The following MEMO1 variants were observed in gnomAD, a reference collection of about 807,000 sequenced individuals.
MEMO1 encodes the protein mediator of cell motility 1.
A neutral mutation model predicts 45.2 loss-of-function variants in MEMO1; 6 were observed. The observed-to-expected ratio is 0.13, with a 90% CI of 0.07 to 0.26. The LOEUF is 0.26. Among genes scored for constraint, MEMO1 ranks in the 10% least tolerant of loss-of-function variants. The pLI, the probability that MEMO1 is intolerant of heterozygous loss-of-function variation, is 1.00. For synonymous variants in MEMO1, 78 were observed against 124.3 expected (o/e 0.63, Z 2.48); for missense variants, 184 against 370.5 (o/e 0.50, Z 4.13).
At chr2:31,906,288 G>T (rs66648777) in intron 6 of MEMO1, among the ~76,000 whole-genome samples, 21,769 of 147,850 alleles carry the variant, frequency 0.15, 1,743 homozygotes, top group Middle Eastern at 0.23. Flanking sequence ...CTATTCTTTT[G>T]TTTTTGTTTT....
chr2:31,978,264 G>C (rs1255617962), intron 2 of MEMO1, among the ~76,000 whole-genome samples: 1 of 152,030 alleles, frequency 6.6e-6, no homozygotes, highest in Non-Finnish European at 1.5e-5. Flanking sequence ...GTGGGCACCT[G>C]TAATCCCAGC....
chr2:31,919,118 A>G (rs1186608056), intron 5 of MEMO1, among the ~76,000 whole-genome samples: 3 of 151,532 alleles, frequency 2.0e-5, no homozygotes, highest in African/African-American at 2.4e-5. Flanking sequence ...TTATTATTTT[A>G]TTTTTATATT....
chr2:31,959,625 C>T (rs1667783163), intron 2 of MEMO1, among the ~76,000 whole-genome samples: 1 of 151,318 alleles, frequency 6.6e-6, no homozygotes, highest in Admixed American at 6.6e-5. Flanking sequence ...AGATGAGGTA[C>T]AAGAAAATGG....
rs62142084 is a variant in MEMO1 at position 31,984,740 on chromosome 2, A to T, written c.61+25447T>A. Reference sequence around the variant, plus strand: ...AGAATGGTGTGAACCCGGGAGACAGAGCTTGCGGTGAGCCAAGATTGTGCC... The same window carrying T: ...AGAATGGTGTGAACCCGGGAGACAGTGCTTGCGGTGAGCCAAGATTGTGCC... On this transcript the variant is annotated intron_variant, in intron 2 of 9. Coordinates refer to ENST00000404530, the MANE Select transcript of MEMO1 (RefSeq NM_001301833.4). Among the ~76,000 whole-genome samples the T allele has an allele frequency of 8.9e-3, 1,350 of 152,304 alleles. 6 individuals are homozygous for T. The highest frequency in any genetic ancestry group is 0.012 in the Non-Finnish European group (832 of 68,018).
chr2:31,884,863 C>A (rs1675950466), intron 7 of MEMO1, among the ~76,000 whole-genome samples: 1 of 152,104 alleles, frequency 6.6e-6, no homozygotes, highest in Non-Finnish European at 1.5e-5. Flanking sequence ...GAAACAATAT[C>A]TGCTTCCTGA....
intron 7 of MEMO1, among the ~76,000 whole-genome samples, chr2:31,888,370 A>C (rs1676481760): frequency 1.3e-5 from 2 of 152,122 alleles, no homozygotes; most frequent in South Asian, 4.1e-4. Context: ...TAGAAGTGAA[A>C]ATTACGTTAA....
At chr2:31,937,013 A>T (rs564839693) in intron 3 of MEMO1, among the ~76,000 whole-genome samples, 1 of 152,348 alleles carries the variant, frequency 6.6e-6, no homozygotes, top group South Asian at 2.1e-4. Context: ...TAGAAACTAA[A>T]TTAGAAAACT....
At chr2:31,925,083 C>T (rs1379169151) in intron 4 of MEMO1, among the ~76,000 whole-genome samples, 1 of 152,148 alleles carries the variant, frequency 6.6e-6, no homozygotes, top group African/African-American at 2.4e-5. Context: ...CTGATGTATA[C>T]TGGTCTTCTT....
At chr2:31,970,650 C>G (rs1669276413) in intron 2 of MEMO1, among the ~76,000 whole-genome samples, 1 of 150,810 alleles carries the variant, frequency 6.6e-6, no homozygotes, top group African/African-American at 2.4e-5. Flanking sequence ...AAAAAAAGCA[C>G]AAATGCATAC....
intron 2 of MEMO1, among the ~76,000 whole-genome samples, chr2:31,987,607 T>C (rs910789810): frequency 5.3e-5 from 8 of 152,218 alleles, no homozygotes; most frequent in Non-Finnish European, 7.3e-5. Flanking sequence ...CAATCATTCA[T>C]GAAGCATTTG....
intron 3 of MEMO1, among the ~76,000 whole-genome samples, chr2:31,942,960 T>C (rs765156254): frequency 6.6e-6 from 1 of 152,208 alleles, no homozygotes. Flanking sequence ...CATTTACTAA[T>C]AATAAACATA....
intron 3 of MEMO1, 64 bp downstream of exon 3, chr2:31,943,238 C>A: frequency 8.0e-7 from 1 of 1,246,360 alleles, no homozygotes; most frequent in Non-Finnish European, 1.2e-6. Context: ...GTACTTCAGC[C>A]TGGGCGACAC....
intron 2 of MEMO1, among the ~76,000 whole-genome samples, chr2:32,006,748 C>T (rs557072407): frequency 6.6e-6 from 1 of 152,040 alleles, no homozygotes; most frequent in South Asian, 2.1e-4. Flanking sequence ...AGGCAGATCA[C>T]GAGGTCAGGA....
chr2:31,938,789 T>A (rs1665249393), intron 3 of MEMO1, among the ~76,000 whole-genome samples: 1 of 116,432 alleles, frequency 8.6e-6, no homozygotes, highest in Non-Finnish European at 1.9e-5. Context: ...GAACAATATT[T>A]TTTTTTTTTT....
At chr2:31,923,824 G>A in intron 4 of MEMO1, 1 of 1,390,106 alleles carries the variant, frequency 7.2e-7, no homozygotes, top group Non-Finnish European at 9.5e-7. Flanking sequence ...GTGTAATAAG[G>A]TTCTAACAAT....
chr2:31,946,370 T>C (rs1411747911), intron 2 of MEMO1, among the ~76,000 whole-genome samples: 1 of 152,132 alleles, frequency 6.6e-6, no homozygotes, highest in East Asian at 1.9e-4. Flanking sequence ...AGTAAATTTG[T>C]AAATTCCCAA....
chr2:31,898,938 T>C (rs924800292), intron 6 of MEMO1, among the ~76,000 whole-genome samples: 3 of 152,216 alleles, frequency 2.0e-5, no homozygotes, highest in Admixed American at 2.0e-4. Flanking sequence ...GCTCTTCTTG[T>C]TGCATTGATC....
chr2:31,892,181 T>G, intron 6 of MEMO1, 47 bp from the exon 7 acceptor site: 1 of 1,523,096 alleles, frequency 6.6e-7, no homozygotes, highest in Non-Finnish European at 8.9e-7. Flanking sequence ...GATGCTTAAA[T>G]GAAAGTTTTC....
At chr2:31,947,321 A>T (rs1228917934) in intron 2 of MEMO1, among the ~76,000 whole-genome samples, 1 of 152,192 alleles carries the variant, frequency 6.6e-6, no homozygotes, top group Admixed American at 6.5e-5. Flanking sequence ...TAAGAGCCAA[A>T]CTCCAAGTTT....
Sources: gnomAD v4.1 joint callset for allele counts (sites outside exome capture counted in the v4.1 genomes callset) on GRCh38, gnomAD v4.1.1 for gene constraint, MANE v1.5 for transcripts, NCBI Gene and HGNC (gene_info 2026-07-23, HGNC 2026-07-21) for gene names.